The following MEI4 variants were observed in gnomAD, a reference collection of about 807,000 sequenced individuals.
MEI4 encodes meiotic double-stranded break formation protein 4.
Under a neutral mutation model 31.4 loss-of-function variants are expected in MEI4, and 27 were observed. That is an observed-to-expected ratio of 0.86 (90% CI 0.63 to 1.19). The LOEUF (loss-of-function observed/expected upper bound fraction) is 1.19, where lower values mean the gene tolerates loss of function less well. Among genes scored for constraint, MEI4 ranks in the 50% most tolerant of loss-of-function variants. MEI4 has a pLI of 0.00. For synonymous variants in MEI4, 122 were observed against 145.4 expected, an observed-to-expected ratio of 0.84 and a Z score of 1.16; for missense variants, 329 against 398.9, an observed-to-expected ratio of 0.82 and a Z score of 1.49.
chr6:77,807,338 A>G (rs1769465441), intron 3 of MEI4, among the ~76,000 whole-genome samples: 1 of 152,102 alleles, frequency 6.6e-6, no homozygotes, highest in South Asian at 2.1e-4. Flanking sequence ...AATTAGCTGG[A>G]CTTCATGTCA....
At chr6:77,774,938 A>G (rs1582128823) in intron 3 of MEI4, among the ~76,000 whole-genome samples, 1 of 152,034 alleles carries the variant, frequency 6.6e-6, no homozygotes, top group East Asian at 1.9e-4. Flanking sequence ...AGGGCCACAT[A>G]TCTTCCTGTA....
At chr6:77,833,064 G>A (rs2127712520) in intron 4 of MEI4, among the ~76,000 whole-genome samples, 1 of 151,938 alleles carries the variant, frequency 6.6e-6, no homozygotes, top group East Asian at 1.9e-4. Flanking sequence ...TAAATATCTT[G>A]TCATACATGT....
At chr6:77,698,416 T>G (rs566009150) in intron 2 of MEI4, among the ~76,000 whole-genome samples, 1 of 152,352 alleles carries the variant, frequency 6.6e-6, no homozygotes, top group South Asian at 2.1e-4. Context: ...CGGTTGTTCC[T>G]TTCTATGTTT....
At chr6:77,697,426 A>G (rs77689481) in intron 2 of MEI4, among the ~76,000 whole-genome samples, 10,560 of 152,200 alleles carry the variant, frequency 0.069, 548 homozygotes, top group Non-Finnish European at 0.11. Flanking sequence ...TTCCCTCTAC[A>G]CACTGCTTTG....
intron 3 of MEI4, among the ~76,000 whole-genome samples, chr6:77,816,963 T>G (rs1769703814): frequency 2.6e-5 from 4 of 152,126 alleles, no homozygotes; most frequent in African/African-American, 9.7e-5. Flanking sequence ...GTCATATTAT[T>G]GAATGAAGCT....
chr6:77,740,189 C>T lies in MEI4; in HGVS notation c.233-20941C>T, dbSNP rs148769082. ...AATGGCTGTTATGATTTCAGTTCTT[C>T]TGCATTTGCTGAGGAGTTTTTTATG... On this transcript the variant is annotated intron_variant, in intron 2 of 4. Transcript: ENST00000684080. Among the ~76,000 whole-genome samples, 214 of 152,194 alleles carry T rather than the reference C, an allele frequency of 1.4e-3. 1 individual carries two copies. Among genetic ancestry groups the T allele is most frequent in the African/African-American group, 4.5e-3 (187 of 41,540 alleles).
At chr6:77,811,410 C>T (rs1220032912) in intron 3 of MEI4, among the ~76,000 whole-genome samples, 1 of 152,040 alleles carries the variant, frequency 6.6e-6, no homozygotes, top group Non-Finnish European at 1.5e-5. Context: ...GTTCATAGAA[C>T]AAATTTTATG....
At chr6:77,798,941 C>G (rs1013479334) in intron 3 of MEI4, among the ~76,000 whole-genome samples, 2 of 151,690 alleles carry the variant, frequency 1.3e-5, no homozygotes, top group African/African-American at 2.4e-5. Context: ...TGAATAATGC[C>G]GCAATAAACA....
At chr6:77,771,397 A>G (rs10455339) in intron 3 of MEI4, among the ~76,000 whole-genome samples, 25,710 of 121,094 alleles carry the variant, frequency 0.21, 2,767 homozygotes, top group Non-Finnish European at 0.29. Flanking sequence ...CTAAAGAACT[A>G]AAAAGGAATT....
rs528113661 is a variant in MEI4 at position 77,813,108 on chromosome 6, C to T, written c.769-15823C>T. Among the ~76,000 whole-genome samples, 3 of 152,128 alleles carry T rather than the reference C, an allele frequency of 2.0e-5. No homozygotes were observed. The South Asian group carries it at 6.2e-4, about 32-fold the overall frequency. On this transcript the variant is annotated intron_variant, in intron 3 of 4. Coordinates refer to ENST00000684080, the MANE Select transcript of MEI4 (RefSeq NM_001322247.2). ...TCTTATCTTCCATGAGTAAATATAT[C>T]CTGGAGCAACAGCTAAGTTTTTGGT...
At chr6:77,744,945 G>A (rs910133407) in intron 2 of MEI4, among the ~76,000 whole-genome samples, 3 of 152,160 alleles carry the variant, frequency 2.0e-5, no homozygotes, top group African/African-American at 7.2e-5. Context: ...CACCATGCCT[G>A]CCCTAAAAGA....
At chr6:77,711,270 A>AGGTGATATAT (rs1239016083) in intron 2 of MEI4, among the ~76,000 whole-genome samples, 1 of 152,124 alleles carries the variant, frequency 6.6e-6, no homozygotes, top group Non-Finnish European at 1.5e-5. Flanking sequence ...TAAGTATGTG[A>AGGTGATATAT]GGTGATATAT....
At chr6:77,834,058 A>C (rs978958811) in intron 4 of MEI4, among the ~76,000 whole-genome samples, 1 of 152,076 alleles carries the variant, frequency 6.6e-6, no homozygotes, top group Non-Finnish European at 1.5e-5. Flanking sequence ...TGTTTTAAAG[A>C]ATACCAACTT....
intron 3 of MEI4, among the ~76,000 whole-genome samples, chr6:77,765,006 G>A: frequency 6.6e-6 from 1 of 152,124 alleles, no homozygotes. Context: ...CAAAAAATAA[G>A]AATCTTAAAT....
intron 2 of MEI4, among the ~76,000 whole-genome samples, chr6:77,752,496 C>A (rs1767802207): frequency 6.6e-6 from 1 of 152,148 alleles, no homozygotes; most frequent in Non-Finnish European, 1.5e-5. Context: ...CATGAGTGAA[C>A]TCCCATTCAC....
chr6:77,889,287 G>T (rs1771700478), intron 4 of MEI4, among the ~76,000 whole-genome samples: 2 of 152,158 alleles, frequency 1.3e-5, no homozygotes, highest in South Asian at 2.1e-4. Context: ...GAGACTTGTT[G>T]AGTGGCTTTG....
chr6:77,782,295 A>G (rs13199793), intron 3 of MEI4, among the ~76,000 whole-genome samples: 23,995 of 152,076 alleles, frequency 0.16, 2,278 homozygotes, highest in East Asian at 0.39. Context: ...TTATCAGCCT[A>G]TAAGACATTA....
At position 77,672,983 on chromosome 6, in the gene MEI4, A is replaced by G. The variant is rs187553946; in HGVS notation, c.-14-17675A>G. Among the ~76,000 whole-genome samples the G allele has an allele frequency of 2.0e-3, 312 of 152,366 alleles. 2 individuals are homozygous for G. Among genetic ancestry groups the G allele is most frequent in the Non-Finnish European group, 3.2e-3 (221 of 68,032 alleles). On this transcript the variant is annotated intron_variant, in intron 1 of 4. Coordinates refer to ENST00000684080, the MANE Select transcript of MEI4 (RefSeq NM_001322247.2). ...AGATACAAGGTCAGTGCAAACTTTA[A>G]TAACAGCAATCATGATAGATGCTTT... is the stretch of plus-strand genomic sequence containing the variant.
intron 3 of MEI4, among the ~76,000 whole-genome samples, chr6:77,776,958 T>C (rs1768462889): frequency 6.6e-6 from 1 of 152,164 alleles, no homozygotes. Context: ...TGCTATGTAG[T>C]AGTCCAGGTG....
Sources: gnomAD v4.1 joint callset for allele counts (sites outside exome capture counted in the v4.1 genomes callset) on GRCh38, gnomAD v4.1.1 for gene constraint, MANE v1.5 for transcripts, NCBI Gene and HGNC (gene_info 2026-07-23, HGNC 2026-07-21) for gene names.